TUNAR: variants seen among roughly 807,000 people sequenced by gnomAD.
TUNAR encodes the protein protein TUNAR.
intron 2 of TUNAR, among the ~76,000 whole-genome samples, chr14:95,908,013 C>T (rs1889451762): frequency 6.6e-6 from 1 of 152,156 alleles, no homozygotes; most frequent in Non-Finnish European, 1.5e-5. Context: ...CTGGAAAAGG[C>T]ACCACAAGTC....
chr14:95,877,018 G>C (rs1467885294), exon 2 of TUNAR: 1 of 152,246 alleles, frequency 6.6e-6, no homozygotes, highest in African/African-American at 2.4e-5. Flanking sequence ...GGCGGCCAGC[G>C]GGTCAACGCT....
intron 2 of TUNAR, among the ~76,000 whole-genome samples, chr14:95,903,969 G>A (rs1158458905): frequency 6.6e-6 from 1 of 152,240 alleles, no homozygotes; most frequent in Non-Finnish European, 1.5e-5. Context: ...CACAGGAAAT[G>A]GAAGCTGCTG....
chr14:95,903,279 G>A (rs1245943276), intron 2 of TUNAR, among the ~76,000 whole-genome samples: 1 of 152,186 alleles, frequency 6.6e-6, no homozygotes, highest in East Asian at 1.9e-4. Flanking sequence ...AATTATTGAT[G>A]GACATAAAGT....
At chr14:95,922,714 A>C in intron 2 of TUNAR, 67 bp from the exon 2 acceptor site, 1 of 397,760 alleles carries the variant, frequency 2.5e-6, no homozygotes, top group East Asian at 3.6e-5. Context: ...CCCACTACAG[A>C]TCTGCCTGGC....
At chr14:95,913,086 T>C (rs1169727257) in intron 2 of TUNAR, among the ~76,000 whole-genome samples, 1 of 144,222 alleles carries the variant, frequency 6.9e-6, no homozygotes, top group South Asian at 2.3e-4. Context: ...CCACCGCGCC[T>C]AGCCGGGCAT....
At chr14:95,891,687 GT>G in intron 2 of TUNAR, among the ~76,000 whole-genome samples, 1 of 152,340 alleles carries the variant, frequency 6.6e-6, no homozygotes, top group Non-Finnish European at 1.5e-5. Context: ...TCTGTTACGT[GT>G]CCTAGCTGGG....
intron 2 of TUNAR, among the ~76,000 whole-genome samples, chr14:95,883,160 C>T (rs185414486): frequency 2.0e-4 from 30 of 152,304 alleles, no homozygotes; most frequent in African/African-American, 4.8e-4. Flanking sequence ...AAAATACACC[C>T]GACTTCTAAA....
intron 2 of TUNAR, among the ~76,000 whole-genome samples, chr14:95,908,241 G>T (rs900071164): frequency 6.6e-6 from 1 of 152,218 alleles, no homozygotes; most frequent in South Asian, 2.1e-4. Flanking sequence ...AGGCACTTCC[G>T]AAGCTATGAG....
chr14:95,919,023 C>T (rs1379704391), intron 2 of TUNAR, among the ~76,000 whole-genome samples: 3 of 152,122 alleles, frequency 2.0e-5, no homozygotes, highest in South Asian at 2.1e-4. Flanking sequence ...TCTAAGACGA[C>T]GGATGATAAA....
chr14:95,923,430 A>G (rs1176550214), exon 3 of TUNAR: 2 of 153,636 alleles, frequency 1.3e-5, no homozygotes, highest in East Asian at 3.8e-4. Context: ...TTTGACAGGC[A>G]TCCCATTCAT....
At chr14:95,916,114 G>A (rs4900302) in intron 2 of TUNAR, among the ~76,000 whole-genome samples, 20,031 of 152,230 alleles carry the variant, frequency 0.13, 1,478 homozygotes, top group South Asian at 0.28. Flanking sequence ...TATTAAGTAT[G>A]GAATAGATAT....
Position 95,879,829 on chromosome 14 carries a change from C to T in TUNAR, c.12+2652C>T, listed in dbSNP as rs955082379. Among the ~76,000 whole-genome samples the T allele has an allele frequency of 5.3e-5, 8 of 151,972 alleles. No homozygotes were observed. In the South Asian group the frequency reaches 6.2e-4, roughly 12 times the overall value. ...TTGGGAGAACAAGAGGGTTATGTATCGTAAGTAAATAACAGTGATGAGACA... is the reference window on the plus strand; with the variant it reads ...TTGGGAGAACAAGAGGGTTATGTATTGTAAGTAAATAACAGTGATGAGACA... On this transcript the variant is annotated intron_variant, in intron 2 of 2. Coordinates refer to ENST00000678517, the Ensembl canonical transcript of TUNAR.
chr14:95,912,153 A>C (rs1889524997), intron 2 of TUNAR, among the ~76,000 whole-genome samples: 1 of 152,226 alleles, frequency 6.6e-6, no homozygotes, highest in Admixed American at 6.5e-5. Context: ...AACATGATAA[A>C]AGTAAATTAA....
intron 2 of TUNAR, among the ~76,000 whole-genome samples, chr14:95,883,401 C>G (rs74085731): frequency 2.0e-5 from 3 of 152,158 alleles, no homozygotes; most frequent in African/African-American, 7.2e-5. Context: ...ATCCACCCCC[C>G]CAACACACAC....
intron 2 of TUNAR, among the ~76,000 whole-genome samples, chr14:95,903,190 C>G (rs1441939050): frequency 6.6e-6 from 1 of 152,182 alleles, no homozygotes; most frequent in East Asian, 1.9e-4. Flanking sequence ...AGATGTTTCT[C>G]CCGCTCGCTG....
At chr14:95,914,514 T>C (rs938600810) in intron 2 of TUNAR, among the ~76,000 whole-genome samples, 3 of 152,182 alleles carry the variant, frequency 2.0e-5, no homozygotes, top group African/African-American at 4.8e-5. Context: ...CTTTCCCTTA[T>C]GTTTTCCTTA....
chr14:95,880,735 A>AT (rs1888966733), intron 2 of TUNAR, among the ~76,000 whole-genome samples: 1 of 152,144 alleles, frequency 6.6e-6, no homozygotes, highest in African/African-American at 2.4e-5. Context: ...TGGCAGTGGT[A>AT]TTTTTTGCCA....
At chr14:95,901,891 G>T (rs1192018445) in intron 2 of TUNAR, among the ~76,000 whole-genome samples, 2 of 152,228 alleles carry the variant, frequency 1.3e-5, no homozygotes, top group Non-Finnish European at 2.9e-5. Flanking sequence ...GACTTTTGCT[G>T]CAGGGACACG....
intron 2 of TUNAR, among the ~76,000 whole-genome samples, chr14:95,891,430 G>C (rs1295741670): frequency 6.6e-6 from 1 of 152,176 alleles, no homozygotes; most frequent in African/African-American, 2.4e-5. Context: ...TATAAGTTCT[G>C]TTTATAAAAC....
Sources: allele counts gnomAD v4.1 joint callset (sites outside exome capture counted in the v4.1 genomes callset), GRCh38; gene constraint gnomAD v4.1.1; transcripts MANE v1.5; gene names NCBI Gene and HGNC (gene_info 2026-07-23, HGNC 2026-07-21).